Variants in SNTG2 observed in about 807,000 individuals in gnomAD.
SNTG2 encodes the protein syntrophin gamma 2.
In SNTG2, 74 loss-of-function variants were observed where a neutral mutation model predicts 70.9. The ratio of observed to expected loss-of-function variants is 1.04; its 90% CI spans 0.86 to 1.27. The LOEUF (loss-of-function observed/expected upper bound fraction) is 1.27. SNTG2 is among the 50% of genes most tolerant of loss of function. SNTG2 has a pLI of 0.00. For missense variants in SNTG2, 717 were observed against 690.7 expected (o/e 1.04, Z -0.43); for synonymous variants, 278 against 273.8 (o/e 1.02, Z -0.15).
At chr2:1,145,410 T>C (rs1288019864) in intron 6 of SNTG2, among the ~76,000 whole-genome samples, 1 of 152,152 alleles carries the variant, frequency 6.6e-6, no homozygotes, top group Non-Finnish European at 1.5e-5. Context: ...TTACTATAGA[T>C]CCTATGGACA....
intron 16 of SNTG2, among the ~76,000 whole-genome samples, chr2:1,360,831 T>A (rs1573030721): frequency 6.6e-6 from 1 of 152,306 alleles, no homozygotes; most frequent in South Asian, 2.1e-4. Flanking sequence ...AGTCTCTAAA[T>A]AAGAGAGCAG....
Position 983,937 on chromosome 2 carries a change from C to T in SNTG2, c.72+32869C>T, listed in dbSNP as rs577826549. ...GAAGTCGGGCTCCACACAGCATGGC[C>T]TCTGAGATGTCTGTGTCCCTGTGTC... On this transcript the variant is annotated intron_variant, in intron 1 of 16. Coordinates refer to ENST00000308624, the MANE Select transcript of SNTG2 (RefSeq NM_018968.4). Among the ~76,000 whole-genome samples the T allele has an allele frequency of 1.6e-4, 25 of 152,306 alleles. No individual in the cohort carries two copies. The East Asian group carries it at 1.7e-3, about 11-fold the overall frequency.
At chr2:1,173,221 G>A (rs370578760) in intron 8 of SNTG2, 38 bp downstream of exon 8, 4 of 1,535,462 alleles carry the variant, frequency 2.6e-6, no homozygotes, top group Admixed American at 1.7e-5. Flanking sequence ...TATTTTAACA[G>A]AAATATCAGT....
intron 1 of SNTG2, among the ~76,000 whole-genome samples, chr2:1,008,678 TTAGTTA>T (rs1239449020): frequency 1.3e-5 from 2 of 152,244 alleles, no homozygotes; most frequent in African/African-American, 4.8e-5. Context: ...TATTGATGTT[TTAGTTA>T]TAGTTTTCAT....
chr2:1,035,256 A>C (rs1189671581), intron 1 of SNTG2, among the ~76,000 whole-genome samples: 1 of 152,140 alleles, frequency 6.6e-6, no homozygotes, highest in Non-Finnish European at 1.5e-5. Flanking sequence ...TCAATATTGT[A>C]TTTGCTGAGT....
intron 6 of SNTG2, chr2:1,161,767 C>A (rs1475201710): frequency 6.6e-6 from 1 of 152,074 alleles, no homozygotes; most frequent in Non-Finnish European, 1.5e-5. Flanking sequence ...AAGCTAAATC[C>A]AATCTTTAAT....
chr2:1,327,893 T>G (rs921027407), intron 16 of SNTG2, among the ~76,000 whole-genome samples: 3 of 152,206 alleles, frequency 2.0e-5, no homozygotes, highest in Non-Finnish European at 4.4e-5. Context: ...TCTAAAGAAA[T>G]ACCTGAGGCT....
At chr2:1,339,428 T>G (rs1258223831) in intron 16 of SNTG2, among the ~76,000 whole-genome samples, 1 of 152,240 alleles carries the variant, frequency 6.6e-6, no homozygotes, top group Non-Finnish European at 1.5e-5. Context: ...AACTCCCTAA[T>G]GCATGATACA....
rs61002101 is a variant in SNTG2 at position 991,372 on chromosome 2, TACACACACAC to T, written c.72+40330_72+40339del. On this transcript the variant is annotated intron_variant, in intron 1 of 16. Coordinates refer to ENST00000308624, the MANE Select transcript of SNTG2 (RefSeq NM_018968.4). ...AGGGAGCTTATAAGTTCTGTAATATTACACACACACACACACACACACACACACACACACA... is the reference window on the plus strand; with the variant it reads ...AGGGAGCTTATAAGTTCTGTAATATTACACACACACACACACACACACACA... 1.1e-3 allele frequency among the ~76,000 whole-genome samples: 151 copies of T among 140,354 alleles called. 1 individual carries two copies. The highest frequency in any genetic ancestry group is 3.9e-3 in the African/African-American group (147 of 37,910). The allele number at this position is 140,354 out of a possible 152,430, so 92.1% of individuals were successfully genotyped here.
At chr2:1,263,195 T>G (rs13015928) in intron 13 of SNTG2, among the ~76,000 whole-genome samples, 46,472 of 152,058 alleles carry the variant, frequency 0.31, 8,010 homozygotes, top group African/African-American at 0.47. Context: ...AGGATATTCC[T>G]TAAATTAATG....
At chr2:1,317,994 A>G (rs1169308669) in intron 16 of SNTG2, among the ~76,000 whole-genome samples, 1 of 152,244 alleles carries the variant, frequency 6.6e-6, no homozygotes, top group African/African-American at 2.4e-5. Flanking sequence ...GGGTTTTACA[A>G]ACTGTATTTT....
chr2:1,070,764 C>T (rs774827807), intron 1 of SNTG2, among the ~76,000 whole-genome samples: 1 of 152,196 alleles, frequency 6.6e-6, no homozygotes, highest in Non-Finnish European at 1.5e-5. Flanking sequence ...CCTCTAGTAA[C>T]TGGATTTTAC....
At chr2:1,242,594 A>G (rs1677121924) in intron 11 of SNTG2, 1 of 152,250 alleles carries the variant, frequency 6.6e-6, no homozygotes, top group Non-Finnish European at 1.5e-5. Flanking sequence ...AATAGCAAGC[A>G]GCCCTATTTC....
At chr2:1,004,646 A>G (rs1171679335) in intron 1 of SNTG2, among the ~76,000 whole-genome samples, 2 of 152,184 alleles carry the variant, frequency 1.3e-5, no homozygotes, top group African/African-American at 2.4e-5. Context: ...TAAAATCCAA[A>G]ACGCTGACAG....
At chr2:1,220,364 G>C (rs1020739658) in intron 9 of SNTG2, among the ~76,000 whole-genome samples, 7 of 152,246 alleles carry the variant, frequency 4.6e-5, no homozygotes, top group African/African-American at 1.4e-4. Flanking sequence ...GCAGGATCCA[G>C]GCCAGGCTTG....
chr2:1,360,298 C>T (rs1661067969), intron 16 of SNTG2, among the ~76,000 whole-genome samples: 1 of 152,038 alleles, frequency 6.6e-6, no homozygotes, highest in African/African-American at 2.4e-5. Flanking sequence ...GTGCTCTGAG[C>T]TCACCTGTGC....
chr2:1,159,237 GTGTGTGTGTGTATGCAGGTGTGTGTGCA>G (rs1342484053), intron 6 of SNTG2: 3 of 11,522 alleles, frequency 2.6e-4, no homozygotes, highest in African/African-American at 5.6e-4. Context: ...GTGTGTGAGT[GTGTGTGTGTGTATGCAGGTGTGTGTGCA>G]TGTGTGTGTA....
chr2:1,335,195 G>C (rs1659756696), intron 16 of SNTG2, among the ~76,000 whole-genome samples: 1 of 152,290 alleles, frequency 6.6e-6, no homozygotes, highest in Admixed American at 6.5e-5. Flanking sequence ...CTCTGCATCA[G>C]CTGCTGGCTT....
In SNTG2 at chr2:1,097,817, G is replaced by A. The variant is rs1289356067; in HGVS notation, c.211-379G>A. 1.3e-5 allele frequency among the ~76,000 whole-genome samples: 2 copies of A among 151,950 alleles called. No individual in the cohort carries two copies. The highest frequency in any genetic ancestry group is 2.9e-5 in the Non-Finnish European group (2 of 67,994). On this transcript the variant is annotated intron_variant, in intron 2 of 16. Coordinates refer to ENST00000308624, the MANE Select transcript of SNTG2 (RefSeq NM_018968.4). The surrounding 1 kb of genome is among the most constrained non-coding windows in gnomAD (Gnocchi z 4.1). ...GCCGGTCCTGGGGTTGGTGGGTAGA[G>A]AGCGGTTCTAAAACAGGACTGAGTG...
Sources: gnomAD v4.1 joint callset for allele counts (sites outside exome capture counted in the v4.1 genomes callset) on GRCh38, gnomAD v4.1.1 for gene constraint, Gnocchi (gnomAD v3.1) non-coding constraint, MANE v1.5 for transcripts, NCBI Gene and HGNC (gene_info 2026-07-23, HGNC 2026-07-21) for gene names.